ANKFN1: variants seen among roughly 807,000 people sequenced by gnomAD.
The protein encoded by ANKFN1 is ankyrin repeat and fibronectin type-III domain-containing protein 1.
Under a neutral mutation model 108.7 loss-of-function variants are expected in ANKFN1, and 74 were observed. The observed-to-expected ratio is 0.68, with a 90% CI of 0.56 to 0.83. ANKFN1 has a LOEUF of 0.83. ANKFN1 is among the 40% of genes least tolerant of loss of function. The pLI is 0.00. For missense variants in ANKFN1, 1,505 were observed against 1,382.3 expected (o/e 1.09, Z -1.41); for synonymous variants, 547 against 516.2 (o/e 1.06, Z -0.81).
At chr17:56,087,639 C>T (rs1905340692) in intron 4 of ANKFN1, among the ~76,000 whole-genome samples, 1 of 151,362 alleles carries the variant, frequency 6.6e-6, no homozygotes, top group Non-Finnish European at 1.5e-5. Context: ...ACACCCCTCC[C>T]AGTCCTTGAG....
intron 8 of ANKFN1, among the ~76,000 whole-genome samples, chr17:56,383,022 A>G (rs971032514): frequency 4.6e-5 from 7 of 152,202 alleles, no homozygotes; most frequent in African/African-American, 1.7e-4. Flanking sequence ...TCAACAGAAT[A>G]TACATTTTCT....
intron 4 of ANKFN1, among the ~76,000 whole-genome samples, chr17:56,072,821 G>C (rs988681955): frequency 6.6e-6 from 1 of 152,134 alleles, no homozygotes; most frequent in Admixed American, 6.6e-5. Context: ...ATGAGGAGAG[G>C]AGAAGGTGGG....
Position 56,301,450 on chromosome 17 carries a change from T to G in ANKFN1, c.54-24771T>G, listed in dbSNP as rs558636252. On this transcript the variant is annotated intron_variant, in intron 3 of 20. Transcript: ENST00000682825. ...ATGCTCTAAAATCATCTGGCTGGCT[T>G]ATCTCAACCCATTTTCACTACACAG... Among the ~76,000 whole-genome samples the G allele has an allele frequency of 5.3e-5, 8 of 152,346 alleles. No individual in the cohort carries two copies. The South Asian group carries it at 1.7e-3, about 32-fold the overall frequency.
At chr17:56,236,109 G>A (rs1308613698) in intron 3 of ANKFN1, among the ~76,000 whole-genome samples, 1 of 151,752 alleles carries the variant, frequency 6.6e-6, no homozygotes, top group East Asian at 1.9e-4. Flanking sequence ...CCAGGCTGGA[G>A]TGCAGTGGCA....
At chr17:56,111,887 G>C (rs1274145489) in intron 4 of ANKFN1, among the ~76,000 whole-genome samples, 1 of 152,210 alleles carries the variant, frequency 6.6e-6, no homozygotes, top group Non-Finnish European at 1.5e-5. Flanking sequence ...AATGGCTGCT[G>C]TTCCAGCGGC....
intron 8 of ANKFN1, among the ~76,000 whole-genome samples, chr17:56,384,309 G>C (rs958786385): frequency 1.3e-5 from 2 of 152,062 alleles, no homozygotes; most frequent in Non-Finnish European, 2.9e-5. Flanking sequence ...CAATAAATTA[G>C]GTATTGATGG....
At chr17:56,064,288 C>T (rs1905025815) in intron 4 of ANKFN1, among the ~76,000 whole-genome samples, 1 of 152,204 alleles carries the variant, frequency 6.6e-6, no homozygotes. Context: ...TGGGGGAAAA[C>T]CCACTCGTCT....
chr17:56,387,100 G>A (rs757982051), intron 8 of ANKFN1, among the ~76,000 whole-genome samples: 6 of 152,062 alleles, frequency 3.9e-5, no homozygotes, highest in Non-Finnish European at 7.4e-5. Flanking sequence ...TTTGTTTGAA[G>A]AGATTTTTGA....
At chr17:56,113,794 T>TA (rs1906109331) in intron 4 of ANKFN1, among the ~76,000 whole-genome samples, 1 of 152,038 alleles carries the variant, frequency 6.6e-6, no homozygotes, top group African/African-American at 2.4e-5. Context: ...CAGGGAGAAA[T>TA]AGAGTCTTTG....
rs550201938 is a variant in ANKFN1 at position 56,107,686 on chromosome 17, A to G, written c.288+61361A>G. On this transcript the variant is annotated intron_variant, in intron 4 of 12. Coordinates refer to the ANKFN1 transcript ENST00000635860. ...AAACTTGCCTTTTCTCTCAGTCCACATTAGCCTTCTTCTGGCAGTCTCACA... is the reference window on the plus strand; with the variant it reads ...AAACTTGCCTTTTCTCTCAGTCCACGTTAGCCTTCTTCTGGCAGTCTCACA... Among the ~76,000 whole-genome samples, 5 of 152,160 alleles carry G rather than the reference A, an allele frequency of 3.3e-5. No individual in the cohort carries two copies. The East Asian group carries it at 9.7e-4, about 30-fold the overall frequency.
At chr17:56,257,835 G>A (rs58205575) in intron 3 of ANKFN1, 1 of 152,230 alleles carries the variant, frequency 6.6e-6, no homozygotes, top group Non-Finnish European at 1.5e-5. Context: ...AACCAAAGGG[G>A]AAACATGTTG....
chr17:56,270,907 A>G (rs2043776305), intron 3 of ANKFN1, among the ~76,000 whole-genome samples: 1 of 152,056 alleles, frequency 6.6e-6, no homozygotes, highest in Non-Finnish European at 1.5e-5. Flanking sequence ...CTATAGTAGT[A>G]CCTCCACCCT....
chr17:56,369,148 G>A (rs933958678), intron 6 of ANKFN1, among the ~76,000 whole-genome samples: 4 of 152,140 alleles, frequency 2.6e-5, no homozygotes, highest in East Asian at 1.9e-4. Flanking sequence ...GACATTCAAG[G>A]AATTGGCCAC....
chr17:56,351,362 G>A (rs1018027851), intron 5 of ANKFN1, among the ~76,000 whole-genome samples: 2 of 151,158 alleles, frequency 1.3e-5, no homozygotes, highest in Non-Finnish European at 1.5e-5. Context: ...CTTTCCAAAG[G>A]CATTCAAAAT....
At chr17:56,279,832 A>G (rs1276234738) in intron 3 of ANKFN1, among the ~76,000 whole-genome samples, 1 of 152,180 alleles carries the variant, frequency 6.6e-6, no homozygotes, top group East Asian at 1.9e-4. Context: ...CAACTCGCGT[A>G]TCATTTCTGG....
chr17:56,287,629 T>C (rs1420055866), intron 3 of ANKFN1, among the ~76,000 whole-genome samples: 1 of 152,186 alleles, frequency 6.6e-6, no homozygotes, highest in African/African-American at 2.4e-5. Flanking sequence ...ACAAAAGATA[T>C]TCTGCATCTG....
At chr17:56,426,312 A>C (rs1158172553) in intron 8 of ANKFN1, among the ~76,000 whole-genome samples, 2 of 152,220 alleles carry the variant, frequency 1.3e-5, no homozygotes, top group Admixed American at 6.5e-5. Flanking sequence ...AATATTTCCA[A>C]ATAGCAGTCT....
intron 1 of ANKFN1, among the ~76,000 whole-genome samples, chr17:56,160,544 TTGCCAAGCTAGTAAA>T (rs1412597145): frequency 6.6e-6 from 1 of 152,236 alleles, no homozygotes; most frequent in African/African-American, 2.4e-5. Flanking sequence ...GTTTATTCAT[TTGCCAAGCTAGTAAA>T]TGCCACTTTG....
intron 8 of ANKFN1, among the ~76,000 whole-genome samples, chr17:56,437,013 C>T (rs1273236878): frequency 1.3e-5 from 2 of 152,140 alleles, no homozygotes; most frequent in East Asian, 1.9e-4. Context: ...TTGGTTGCCC[C>T]AGAATAGATT....
Sources: allele counts gnomAD v4.1 joint callset (sites outside exome capture counted in the v4.1 genomes callset), GRCh38; gene constraint gnomAD v4.1.1; transcripts MANE v1.5; gene names NCBI Gene and HGNC (gene_info 2026-07-23, HGNC 2026-07-21).